CACNA1I: variants seen among roughly 807,000 people sequenced by gnomAD.
The protein encoded by CACNA1I is calcium voltage-gated channel subunit alpha1 I, also known as voltage-dependent T-type calcium channel subunit alpha-1I.
In CACNA1I, 74 loss-of-function variants were observed where a neutral mutation model predicts 201.6. That is an observed-to-expected ratio of 0.37 (90% CI 0.30 to 0.45). The LOEUF is 0.45. Among genes scored for constraint, CACNA1I ranks in the 20% least tolerant of loss-of-function variants. The probability of loss-of-function intolerance (pLI) is 1.00; values close to 1 mark genes in which losing one functional copy is unlikely to be tolerated. For synonymous variants in CACNA1I, 1,431 were observed against 1,345.2 expected, an observed-to-expected ratio of 1.06 and a Z score of -1.40; for missense variants, 2,346 against 3,138.1, an observed-to-expected ratio of 0.75 and a Z score of 6.03.
chr22:39,622,730 C>T (rs1030433127), intron 4 of CACNA1I, among the ~76,000 whole-genome samples: 1 of 135,842 alleles, frequency 7.4e-6, no homozygotes, highest in Non-Finnish European at 1.6e-5. Flanking sequence ...GGGAGAGGGA[C>T]TGCTGGGCCC....
At chr22:39,604,191 C>T (rs1457360034) in intron 3 of CACNA1I, among the ~76,000 whole-genome samples, 1 of 152,184 alleles carries the variant, frequency 6.6e-6, no homozygotes, top group African/African-American at 2.4e-5. Context: ...CCACGCTGCC[C>T]TTTTGACTTG....
chr22:39,672,631 A>G (rs553596113), intron 27 of CACNA1I, among the ~76,000 whole-genome samples: 1 of 152,334 alleles, frequency 6.6e-6, no homozygotes, highest in East Asian at 1.9e-4. Flanking sequence ...TTGATGGACT[A>G]GCCTAAGGCC....
chr22:39,682,473 A>G, intron 34 of CACNA1I, 23 bp from the exon 35 acceptor site: 1 of 1,610,334 alleles, frequency 6.2e-7, no homozygotes, highest in Non-Finnish European at 8.5e-7. Flanking sequence ...GTCCTGCCCC[A>G]TCCTACCTCC....
Position 39,679,328 on chromosome 22 carries a change from C to A in CACNA1I, c.5277C>A (p.Gly1759=). 4.5e-6 allele frequency: 7 copies of A among 1,549,992 alleles called. No homozygotes were observed. The highest frequency in any genetic ancestry group is 1.7e-4 in the Middle Eastern group (1 of 5,844). ...ELELEMAHGL[G]PGPRLPTGSP... ...AGCTGGAGATGGCCCATGGCCTGGG[C>A]CCTGGCCCGAGGCTGCCTACCGGCT... Residue 1759 remains glycine, a synonymous_variant, in exon 32 of 37, where the codon GGC becomes GGA. Coordinates refer to ENST00000402142, the MANE Select transcript of CACNA1I (RefSeq NM_021096.4).
At chr22:39,604,998 G>A (rs1043622178) in intron 3 of CACNA1I, among the ~76,000 whole-genome samples, 2 of 152,010 alleles carry the variant, frequency 1.3e-5, no homozygotes, top group African/African-American at 2.4e-5. Flanking sequence ...CAGGGGTGGC[G>A]TGGGTGGAGA....
At chr22:39,655,861 G>T (rs897604769) in intron 10 of CACNA1I, among the ~76,000 whole-genome samples, 1 of 152,232 alleles carries the variant, frequency 6.6e-6, no homozygotes, top group African/African-American at 2.4e-5. Context: ...GAGGGAGGAG[G>T]AGGCGCGGGG....
At chr22:39,599,415 C>T (rs1276908100) in intron 2 of CACNA1I, among the ~76,000 whole-genome samples, 1 of 140,698 alleles carries the variant, frequency 7.1e-6, no homozygotes, top group African/African-American at 2.6e-5. Context: ...GTCAGGAGAT[C>T]GAGACCATCC....
At chr22:39,610,900 C>T (rs1933368345) in intron 3 of CACNA1I, among the ~76,000 whole-genome samples, 1 of 152,022 alleles carries the variant, frequency 6.6e-6, no homozygotes, top group East Asian at 1.9e-4. Flanking sequence ...CCTCTTTGGC[C>T]TGGATTGGCT....
At chr22:39,612,471 G>A (rs1289346798) in intron 3 of CACNA1I, among the ~76,000 whole-genome samples, 1 of 152,170 alleles carries the variant, frequency 6.6e-6, no homozygotes, top group East Asian at 1.9e-4. Flanking sequence ...CAGTTCTGGA[G>A]GTTGGGAAGT....
At chr22:39,602,153 C>A (rs557322701) in intron 3 of CACNA1I, among the ~76,000 whole-genome samples, 85 of 142,572 alleles carry the variant, frequency 6.0e-4, no homozygotes, top group Non-Finnish European at 1.2e-3. Context: ...CACACTGCAG[C>A]CTTGACTTCC....
intron 5 of CACNA1I, among the ~76,000 whole-genome samples, chr22:39,639,612 A>C (rs1346728625): frequency 6.6e-6 from 1 of 152,174 alleles, no homozygotes; most frequent in African/African-American, 2.4e-5. Context: ...TTATATGTCT[A>C]TTTTTGGATA....
chr22:39,600,175 G>A (rs1020073458), intron 2 of CACNA1I, among the ~76,000 whole-genome samples: 4 of 152,208 alleles, frequency 2.6e-5, no homozygotes, highest in African/African-American at 9.7e-5. Flanking sequence ...GGGGTCAAGT[G>A]TGTAGCCAGT....
chr22:39,645,562 T>G (rs905157914), intron 7 of CACNA1I, among the ~76,000 whole-genome samples: 2 of 152,154 alleles, frequency 1.3e-5, no homozygotes, highest in African/African-American at 2.4e-5. Context: ...GCCATCTTCT[T>G]ACCCGAGAGG....
chr22:39,600,719 G>C, intron 3 of CACNA1I, 66 bp downstream of exon 3: 1 of 1,493,118 alleles, frequency 6.7e-7, no homozygotes, highest in South Asian at 1.5e-5. Context: ...AGAGAATCCA[G>C]GGCTTCTTGC....
chr22:39,649,583 C>T lies in CACNA1I; in HGVS notation c.1650C>T (p.Pro550=), dbSNP rs61055745. 1.9e-3 allele frequency: 2,937 copies of T among 1,545,832 alleles called. 37 individuals are homozygous for T. The African/African-American group carries it at 0.032, about 17-fold the overall frequency. Residue 550 remains proline (P), a synonymous_variant, in exon 10 of 37, where the codon CCC becomes CCT. Transcript: ENST00000402142. The surrounding 1 kb of genome is among the most constrained non-coding windows in gnomAD (Gnocchi z 7.3). The part of the protein sequence containing the change: ...QPIPATLASD[P]ASCPCCQHED... Reference sequence around the variant, plus strand: ...TCCCCGCCACGCTGGCTTCCGATCCCGCCAGCTGCCCTTGCTGCCAGCATG... The same window carrying T: ...TCCCCGCCACGCTGGCTTCCGATCCTGCCAGCTGCCCTTGCTGCCAGCATG...
intron 3 of CACNA1I, among the ~76,000 whole-genome samples, chr22:39,616,364 G>T (rs1032864217): frequency 6.6e-6 from 1 of 152,178 alleles, no homozygotes; most frequent in African/African-American, 2.4e-5. Context: ...CTGGGTCATC[G>T]TGGGCCCCCC....
chr22:39,611,924 G>A (rs763587436), intron 3 of CACNA1I, among the ~76,000 whole-genome samples: 19 of 152,162 alleles, frequency 1.2e-4, no homozygotes, highest in Admixed American at 2.6e-4. Flanking sequence ...GTTTCAGAGC[G>A]TCAGTCAACT....
chr22:39,606,714 T>C (rs751213128), intron 3 of CACNA1I, among the ~76,000 whole-genome samples: 6 of 152,204 alleles, frequency 3.9e-5, no homozygotes, highest in Non-Finnish European at 2.9e-5. Context: ...GTATTTTTAG[T>C]AGAGACGGGG....
chr22:39,664,858 C>G lies in CACNA1I; in HGVS notation c.3786C>G (p.Ala1262=). 2 of 1,613,104 alleles carry G rather than the reference C, an allele frequency of 1.2e-6. No homozygotes were observed. The highest frequency in any genetic ancestry group is 1.3e-5 in the African/African-American group (1 of 75,022). The change falls in exon 21 of 37, where the codon GCC becomes GCG. Residue 1262 remains alanine, a synonymous_variant. Coordinates refer to ENST00000402142, the MANE Select transcript of CACNA1I (RefSeq NM_021096.4). ...IIDIVVSLAS[A]GGAKILGVLR... is the part of the protein sequence containing the mutation. ...ACATCGTGGTGTCCCTGGCCTCAGC[C>G]GGGGGAGCCAAGATCTTGGGGGTCC...
Sources: gnomAD v4.1 joint callset for allele counts (sites outside exome capture counted in the v4.1 genomes callset) on GRCh38, gnomAD v4.1.1 for gene constraint, Gnocchi (gnomAD v3.1) non-coding constraint, MANE v1.5 for transcripts, NCBI Gene and HGNC (gene_info 2026-07-23, HGNC 2026-07-21) for gene names.